NGDN: variants seen among roughly 807,000 people sequenced by gnomAD.
NGDN encodes neuroguidin, also known as EIF4E-binding protein.
Under a neutral mutation model 45.2 loss-of-function variants are expected in NGDN, and 41 were observed. The ratio of observed to expected loss-of-function variants is 0.91; its 90% CI spans 0.71 to 1.18. NGDN has a LOEUF of 1.18. Ranked by LOEUF, NGDN falls within the 50% of genes most tolerant of loss-of-function variation. The pLI, the probability that NGDN is intolerant of heterozygous loss-of-function variation, is 0.00. For synonymous variants in NGDN, 137 were observed against 130.9 expected, an observed-to-expected ratio of 1.05 and a Z score of -0.32; for missense variants, 402 against 399.9, an observed-to-expected ratio of 1.01 and a Z score of -0.05.
chr14:23,474,969 C>T (rs1054682810), intron 3 of NGDN, among the ~76,000 whole-genome samples: 1 of 152,154 alleles, frequency 6.6e-6, no homozygotes, highest in East Asian at 1.9e-4. Context: ...TATTAATTTT[C>T]TGAGCGTTGT....
At chr14:23,471,763 A>G (rs564619578) in intron 3 of NGDN, among the ~76,000 whole-genome samples, 1 of 150,578 alleles carries the variant, frequency 6.6e-6, no homozygotes, top group Admixed American at 6.6e-5. Context: ...GTAAGCTGTG[A>G]TTGTGCCACT....
At chr14:23,476,927 T>TA (rs1893917606) in intron 8 of NGDN, among the ~76,000 whole-genome samples, 3 of 152,170 alleles carry the variant, frequency 2.0e-5, no homozygotes, top group Admixed American at 2.0e-4. Flanking sequence ...AGAGCTGAAA[T>TA]AAAAAAATTT....
chr14:23,474,183 T>C (rs1213237109), intron 3 of NGDN, among the ~76,000 whole-genome samples: 1 of 152,184 alleles, frequency 6.6e-6, no homozygotes, highest in Non-Finnish European at 1.5e-5. Flanking sequence ...AGTGTTGATC[T>C]CAAGAGCTTA....
chr14:23,476,047 G>A lies in NGDN; in HGVS notation c.439G>A (p.Glu147Lys). The change falls in exon 7 of 11, where the codon GAG (glutamate) becomes AAG (lysine). Residue 147 changes from glutamate to lysine, a missense_variant. By Grantham distance (56) the Glu-to-Lys change is moderately conservative. Transcript: ENST00000408901. The part of the protein sequence containing the change: ...MMSKLSSEDE[E>K]EDEAEDDQSE... Reference sequence around the variant, plus strand: ...TTTGTAGTTGAGCTCTGAGGATGAGGAGGAAGATGAAGCAGAAGATGACCA... The same window carrying A: ...TTTGTAGTTGAGCTCTGAGGATGAGAAGGAAGATGAAGCAGAAGATGACCA... 6.2e-7 allele frequency: 1 copy of A among 1,614,154 alleles called. No homozygotes were observed. Among genetic ancestry groups the A allele is most frequent in the Non-Finnish European group, 8.5e-7 (1 of 1,179,996 alleles).
intron 6 of NGDN, 67 bp from the exon 7 acceptor site, chr14:23,475,962 C>G: frequency 6.3e-7 from 1 of 1,599,740 alleles, no homozygotes; most frequent in Non-Finnish European, 8.6e-7. Flanking sequence ...GGTACTCCAG[C>G]TTTGGGTTTT....
rs1178541620 is a variant in NGDN, at chr14:23,470,221, A to T, written c.72+120A>T. On this transcript the variant is annotated intron_variant, in intron 2 of 10. Transcript: ENST00000408901. ...CTTCCAAAAACCTTAGAGTAAAATG[A>T]TGTAATCAAAACCTTTTCACGCCAG... The T allele has an allele frequency of 7.2e-6, 6 of 829,946 alleles. No homozygotes were observed. The South Asian group carries it at 9.2e-5, about 13-fold the overall frequency. The allele number at this position is 829,946 out of a possible 1,614,324, so 51.4% of individuals were successfully genotyped here.
At chr14:23,475,059 G>A in intron 3 of NGDN, 112 bp from the exon 4 acceptor site, 1 of 1,115,624 alleles carries the variant, frequency 9.0e-7, no homozygotes, top group Non-Finnish European at 1.3e-6. Flanking sequence ...TACCTAATAT[G>A]AACTGATTGG....
intron 3 of NGDN, among the ~76,000 whole-genome samples, chr14:23,471,993 C>T (rs1893788160): frequency 6.6e-6 from 1 of 151,440 alleles, no homozygotes; most frequent in Admixed American, 6.6e-5. Flanking sequence ...GGGTTTGAGA[C>T]CAGCCTGGGC....
At chr14:23,474,396 C>T (rs1293568396) in intron 3 of NGDN, among the ~76,000 whole-genome samples, 1 of 152,138 alleles carries the variant, frequency 6.6e-6, no homozygotes, top group African/African-American at 2.4e-5. Flanking sequence ...TCTGAGATAA[C>T]CACTGTGGTA....
chr14:23,471,230 G>A (rs1047488078), intron 3 of NGDN: 1 of 358,346 alleles, frequency 2.8e-6, no homozygotes, highest in Admixed American at 4.7e-5. Flanking sequence ...AGAGCAGAGG[G>A]ATTCAGGACA....
intron 3 of NGDN, among the ~76,000 whole-genome samples, chr14:23,473,485 T>C (rs986151730): frequency 6.6e-6 from 1 of 152,190 alleles, no homozygotes; most frequent in Non-Finnish European, 1.5e-5. Context: ...TATTTGGGCC[T>C]CATAATTATT....
chr14:23,477,822 T>G (rs996209792), intron 10 of NGDN, 185 bp from the exon 11 acceptor site: 5 of 1,469,674 alleles, frequency 3.4e-6, no homozygotes, highest in African/African-American at 1.4e-5. Flanking sequence ...AAAGTGTCAC[T>G]TGAAGGAACC....
chr14:23,476,507 A>G, intron 8 of NGDN, 100 bp downstream of exon 8: 1 of 1,081,924 alleles, frequency 9.2e-7, no homozygotes, highest in Non-Finnish European at 1.3e-6. Flanking sequence ...AATTAATGTT[A>G]CATAGAAAAT....
At position 23,476,240 on chromosome 14, in the gene NGDN, TG is replaced by T. The variant is rs1893899675; in HGVS notation, c.547del (p.Glu183LysfsTer11). ...ACCCTGCTTATTTTCATCATGTAGA[TG>T]AAACAGAAGCTGAGCGGGAGAAGAA... is the stretch of plus-strand genomic sequence containing the variant. ...PPRLVPVHYDETEAEREKKRL... is the reference protein window; with the variant it reads ...PPRLVPVHYDXTEAEREKKRL... On this transcript the variant is annotated frameshift_variant and splice_region_variant, in exon 8 of 11. Transcript: ENST00000408901. LOFTEE classifies it high-confidence loss of function. The T allele has an allele frequency of 6.2e-7, 1 of 1,614,076 alleles. No individual in the cohort carries two copies.
intron 1 of NGDN, 109 bp downstream of exon 1, chr14:23,469,836 C>A: frequency 6.8e-7 from 1 of 1,468,040 alleles, no homozygotes; most frequent in Non-Finnish European, 9.4e-7. Context: ...ATGAAAGTTG[C>A]TTCAGGGAGG....
In NGDN at chr14:23,476,319, C is replaced by A. The variant is rs766271765; in HGVS notation, c.625C>A (p.Leu209Ile). 4 of 1,614,048 alleles carry A rather than the reference C, an allele frequency of 2.5e-6. No homozygotes were observed. Among genetic ancestry groups the A allele is most frequent in the Non-Finnish European group, 1.7e-6 (2 of 1,180,030 alleles). ...RALSSSVIRELKEQYSDAPEE... is the reference protein window; with the variant it reads ...RALSSSVIREIKEQYSDAPEE... Reference sequence around the variant, plus strand: ...ATTGAGCAGCTCTGTCATTCGTGAACTTAAGGAGCAGTACTCAGATGCTCC... The same window carrying A: ...ATTGAGCAGCTCTGTCATTCGTGAAATTAAGGAGCAGTACTCAGATGCTCC... Residue 209 changes from leucine to isoleucine, a missense_variant, in exon 8 of 11, where the codon CTT becomes ATT. Coordinates refer to ENST00000408901, the MANE Select transcript of NGDN (RefSeq NM_001042635.2).
chr14:23,475,188 A>C lies in NGDN; in HGVS notation c.162A>C (p.Glu54Asp). ...YPTEKGLSFL[E>D]VKDQLLLMYL... Reference sequence around the variant, plus strand: ...CAACTCAGGGTCTCAGCTTCTTGGAAGTGAAAGACCAGCTGCTGCTCATGT... The same window carrying C: ...CAACTCAGGGTCTCAGCTTCTTGGACGTGAAAGACCAGCTGCTGCTCATGT... Residue 54 changes from glutamate to aspartate, a missense_variant, in exon 4 of 11, where the codon GAA becomes GAC. Coordinates refer to ENST00000408901, the MANE Select transcript of NGDN (RefSeq NM_001042635.2). 1 of 1,612,626 alleles carries C rather than the reference A, an allele frequency of 6.2e-7. No homozygotes were observed. The highest frequency in any genetic ancestry group is 1.1e-5 in the South Asian group (1 of 90,700).
Position 23,470,981 on chromosome 14 carries a change from A to G in NGDN, c.144+4A>G. ...TGGTGCCTATCCTACAGAAAAGGTAAGATGTACTCAAACAGTAAGCATCCC... is the reference window on the plus strand; with the variant it reads ...TGGTGCCTATCCTACAGAAAAGGTAGGATGTACTCAAACAGTAAGCATCCC... On this transcript the variant is annotated splice_donor_region_variant and intron_variant, in intron 3 of 10. Coordinates refer to ENST00000408901, the MANE Select transcript of NGDN (RefSeq NM_001042635.2). 6.6e-7 allele frequency: 1 copy of G among 1,525,774 alleles called. No individual in the cohort carries two copies. The highest frequency in any genetic ancestry group is 8.8e-7 in the Non-Finnish European group (1 of 1,140,670). The allele number at this position is 1,525,774 out of a possible 1,614,324, so 94.5% of individuals were successfully genotyped here.
Position 23,476,253 on chromosome 14 carries a change from G to C in NGDN, c.559G>C (p.Glu187Gln). The change falls in exon 8 of 11, where the codon GAG (glutamate) becomes CAG (glutamine). Residue 187 changes from glutamate (E) to glutamine (Q), a missense_variant. Glu to Gln is a conservative substitution (Grantham distance 29, BLOSUM62 2). Transcript: ENST00000408901. Reference sequence around the variant, plus strand: ...TCATCATGTAGATGAAACAGAAGCTGAGCGGGAGAAGAAGCGTCTAGAACG... The same window carrying C: ...TCATCATGTAGATGAAACAGAAGCTCAGCGGGAGAAGAAGCGTCTAGAACG... Reference protein sequence around the residue: ...VPVHYDETEAEREKKRLERAK... With the variant: ...VPVHYDETEAQREKKRLERAK... The C allele has an allele frequency of 6.2e-7, 1 of 1,614,152 alleles. No homozygotes were observed. Among genetic ancestry groups the C allele is most frequent in the Non-Finnish European group, 8.5e-7 (1 of 1,180,002 alleles).
Sources: allele counts gnomAD v4.1 joint callset (sites outside exome capture counted in the v4.1 genomes callset), GRCh38; gene constraint gnomAD v4.1.1; transcripts MANE v1.5; gene names NCBI Gene and HGNC (gene_info 2026-07-23, HGNC 2026-07-21).